The following DAB1 variants were observed in gnomAD, a reference collection of about 807,000 sequenced individuals.
DAB1 encodes disabled homolog 1.
DAB1 carries 15 observed loss-of-function variants against 64.6 expected under a neutral mutation model. The ratio of observed to expected loss-of-function variants is 0.23; its 90% CI spans 0.16 to 0.36. DAB1 has a LOEUF of 0.36. Among genes scored for constraint, DAB1 ranks in the 10% least tolerant of loss-of-function variants. The probability of loss-of-function intolerance (pLI) is 1.00; values close to 1 mark genes in which losing one functional copy is unlikely to be tolerated. For synonymous variants in DAB1, 235 were observed against 251.9 expected (o/e 0.93, Z 0.64); for missense variants, 596 against 706.7 (o/e 0.84, Z 1.78).
intron 4 of DAB1, among the ~76,000 whole-genome samples, chr1:58,253,877 C>T (rs1660861832): frequency 6.6e-6 from 1 of 152,190 alleles, no homozygotes; most frequent in Non-Finnish European, 1.5e-5. Flanking sequence ...ACCTGAGCTT[C>T]TGTTTTTCAA....
chr1:57,121,325 C>G (rs1267989477), intron 4 of DAB1, among the ~76,000 whole-genome samples: 2 of 151,924 alleles, frequency 1.3e-5, no homozygotes, highest in African/African-American at 4.8e-5. Context: ...CCCTCACTCC[C>G]TCACTCTCTC....
chr1:58,256,815 C>T (rs1349707961), intron 4 of DAB1, among the ~76,000 whole-genome samples: 1 of 152,176 alleles, frequency 6.6e-6, no homozygotes, highest in Non-Finnish European at 1.5e-5. Flanking sequence ...AGTGCATGAT[C>T]AAGAACCCAT....
At chr1:58,184,047 C>T (rs1656938881) in intron 4 of DAB1, among the ~76,000 whole-genome samples, 1 of 151,738 alleles carries the variant, frequency 6.6e-6, no homozygotes, top group Non-Finnish European at 1.5e-5. Context: ...GGGTTTCTAA[C>T]TTTCAGCTTG....
Position 58,147,612 on chromosome 1 carries a change from CA to C in DAB1, n.387+2898del, listed in dbSNP as rs71051268. On this transcript the variant is annotated intron_variant and non_coding_transcript_variant, in intron 5 of 20. Coordinates refer to the DAB1 transcript ENST00000485760. ...TGGGCAACAGAGCAAGACTCCATCTCAAAAAAAAAAAATAGTATAGCCATTA... is the reference window on the plus strand; with the variant it reads ...TGGGCAACAGAGCAAGACTCCATCTCAAAAAAAAAAATAGTATAGCCATTA... 2.9e-3 allele frequency among the ~76,000 whole-genome samples: 394 copies of C among 135,952 alleles called. 1 individual carries two copies. Among genetic ancestry groups the C allele is most frequent in the African/African-American group, 5.0e-3 (184 of 36,960 alleles). 89.2% of individuals were successfully genotyped at this position (135,952 alleles called of 152,430 possible).
Position 57,501,934 on chromosome 1 carries a change from A to G in DAB1, n.625+147658T>C, listed in dbSNP as rs191110106. 2.4e-3 allele frequency among the ~76,000 whole-genome samples: 362 copies of G among 152,238 alleles called. 7 individuals are homozygous for G. The highest frequency in any genetic ancestry group is 8.2e-3 in the African/African-American group (340 of 41,546). ...AGAACTTTTGTTAGTGTTTTTAGAA[A>G]AGATCATCGCCTATATGTATACTAT... On this transcript the variant is annotated intron_variant and non_coding_transcript_variant, in intron 7 of 20. Transcript: ENST00000485760.
At chr1:57,394,736 A>T (rs2101012630) in intron 1 of DAB1, among the ~76,000 whole-genome samples, 2 of 152,312 alleles carry the variant, frequency 1.3e-5, no homozygotes, top group East Asian at 3.9e-4. Flanking sequence ...AATGTCAAAC[A>T]TACTTGTTTC....
At chr1:58,116,771 T>G (rs1284990552) in intron 5 of DAB1, among the ~76,000 whole-genome samples, 2 of 152,130 alleles carry the variant, frequency 1.3e-5, no homozygotes, top group African/African-American at 4.8e-5. Flanking sequence ...TGAAACATCA[T>G]GAAAAAAGAA....
intron 3 of DAB1, among the ~76,000 whole-genome samples, chr1:58,408,274 A>T (rs142474903): frequency 1.3e-5 from 2 of 152,248 alleles, no homozygotes; most frequent in African/African-American, 2.4e-5. Flanking sequence ...CTTCCCCCAG[A>T]TCTTCAGGTG....
rs142203871 is a variant in DAB1 at position 57,298,018 on chromosome 1, C to G, written c.-136-6852G>C. ...ACTCAGACTTTACATCCTCCTGCCC[C>G]CTGGACCACTGCAGGTTCCTTTAAT... is the stretch of plus-strand genomic sequence containing the variant. On this transcript the variant is annotated intron_variant, in intron 1 of 14. Transcript: ENST00000371236. Among the ~76,000 whole-genome samples, 868 of 152,320 alleles carry G rather than the reference C, an allele frequency of 5.7e-3. 21 individuals carry two copies. The highest frequency in any genetic ancestry group is 0.02 in the African/African-American group (841 of 41,572).
intron 7 of DAB1, among the ~76,000 whole-genome samples, chr1:57,499,196 G>A (rs1172770345): frequency 5.3e-5 from 8 of 152,110 alleles, no homozygotes; most frequent in African/African-American, 1.4e-4. Flanking sequence ...GGATGGTCTC[G>A]ATCTCCTGAC....
chr1:58,348,428 A>C (rs1177856306), intron 3 of DAB1, among the ~76,000 whole-genome samples: 1 of 148,848 alleles, frequency 6.7e-6, no homozygotes, highest in Non-Finnish European at 1.5e-5. Context: ...CTGTAGTTAC[A>C]AAAAAAAAAG....
At chr1:57,971,639 T>C (rs925034288) in intron 5 of DAB1, among the ~76,000 whole-genome samples, 1 of 152,206 alleles carries the variant, frequency 6.6e-6, no homozygotes, top group Non-Finnish European at 1.5e-5. Context: ...GTCAGAAATA[T>C]CAAAGTATTT....
At chr1:57,596,195 C>A (rs765527853) in intron 7 of DAB1, among the ~76,000 whole-genome samples, 6 of 152,196 alleles carry the variant, frequency 3.9e-5, no homozygotes, top group Non-Finnish European at 7.3e-5. Flanking sequence ...TTCTGAAAGT[C>A]CCCTGTTGAG....
intron 5 of DAB1, among the ~76,000 whole-genome samples, chr1:57,967,105 C>T (rs371777576): frequency 2.7e-4 from 41 of 152,328 alleles, no homozygotes; most frequent in Admixed American, 7.8e-4. Flanking sequence ...GTTTCAGCTT[C>T]AGGGCAAGGC....
intron 3 of DAB1, among the ~76,000 whole-genome samples, chr1:58,465,900 C>T (rs761345726): frequency 6.6e-6 from 1 of 152,134 alleles, no homozygotes; most frequent in African/African-American, 2.4e-5. Flanking sequence ...GTGTCCCTCA[C>T]CACTACCCGA....
intron 7 of DAB1, among the ~76,000 whole-genome samples, chr1:57,561,059 C>A (rs1383747488): frequency 6.6e-6 from 1 of 152,186 alleles, no homozygotes; most frequent in Non-Finnish European, 1.5e-5. Flanking sequence ...TGGGCTCGAG[C>A]AGGTCCTGAA....
At chr1:57,768,117 C>G (rs3131742) in intron 6 of DAB1, among the ~76,000 whole-genome samples, 1 of 146,586 alleles carries the variant, frequency 6.8e-6, no homozygotes, top group African/African-American at 2.6e-5. Flanking sequence ...ACCGAGGTTG[C>G]AGTGAGCCAA....
At chr1:58,153,997 C>T (rs988006640) in intron 4 of DAB1, among the ~76,000 whole-genome samples, 16 of 151,522 alleles carry the variant, frequency 1.1e-4, no homozygotes, top group African/African-American at 3.6e-4. Context: ...CCTTGGCAGC[C>T]TCATCTTTCA....
chr1:57,732,774 A>C (rs1647497270), intron 6 of DAB1, among the ~76,000 whole-genome samples: 1 of 152,152 alleles, frequency 6.6e-6, no homozygotes, highest in Admixed American at 6.5e-5. Context: ...TGGTGCGTCG[A>C]ACAGGAGAGA....
Sources: allele counts gnomAD v4.1 joint callset (sites outside exome capture counted in the v4.1 genomes callset), GRCh38; gene constraint gnomAD v4.1.1; transcripts MANE v1.5; gene names NCBI Gene and HGNC (gene_info 2026-07-23, HGNC 2026-07-21).